The following GPM6A variants were observed in gnomAD, a reference collection of about 807,000 sequenced individuals.
The protein encoded by GPM6A is glycoprotein M6A, also known as neuronal membrane glycoprotein M6-a.
GPM6A carries 7 observed loss-of-function variants against 32.1 expected under a neutral mutation model. That is an observed-to-expected ratio of 0.22 (90% CI 0.12 to 0.41). The LOEUF (loss-of-function observed/expected upper bound fraction) is 0.41, where lower values mean the gene tolerates loss of function less well. Ranked by LOEUF, GPM6A falls within the 10% of genes least tolerant of loss-of-function variation. The pLI, the probability that GPM6A is intolerant of heterozygous loss-of-function variation, is 1.00. For synonymous variants in GPM6A, 130 were observed against 123.4 expected (o/e 1.05, Z -0.35); for missense variants, 235 against 347.2 (o/e 0.68, Z 2.57).
intron 1 of GPM6A, among the ~76,000 whole-genome samples, chr4:175,936,493 T>G (rs1739239686): frequency 6.6e-6 from 1 of 152,044 alleles, no homozygotes; most frequent in Non-Finnish European, 1.5e-5. Context: ...GCAGTTGGGA[T>G]TGCTCTACAT....
At chr4:175,692,796 C>T (rs76250367) in intron 2 of GPM6A, among the ~76,000 whole-genome samples, 6,642 of 151,918 alleles carry the variant, frequency 0.044, 185 homozygotes, top group Non-Finnish European at 0.063. Context: ...AATTAGCTTA[C>T]CTTTAAATTC....
intron 1 of GPM6A, among the ~76,000 whole-genome samples, chr4:175,725,089 G>A (rs1746334686): frequency 1.3e-5 from 2 of 152,106 alleles, no homozygotes; most frequent in South Asian, 4.2e-4. Flanking sequence ...CTCTACTCAG[G>A]TCCATAATGT....
intron 3 of GPM6A, among the ~76,000 whole-genome samples, chr4:175,671,713 C>T (rs1743082064): frequency 6.6e-6 from 1 of 152,052 alleles, no homozygotes; most frequent in Admixed American, 6.6e-5. Flanking sequence ...TGGAGCTAGC[C>T]CCCTTCGTGA....
At chr4:175,681,802 A>C (rs963073002) in intron 2 of GPM6A, among the ~76,000 whole-genome samples, 3 of 152,282 alleles carry the variant, frequency 2.0e-5, no homozygotes, top group Middle Eastern at 3.4e-3. Flanking sequence ...TGAGCCAATT[A>C]AATCTCTTTA....
chr4:175,675,146 G>C (rs1743294543), intron 2 of GPM6A, among the ~76,000 whole-genome samples: 1 of 151,706 alleles, frequency 6.6e-6, no homozygotes, highest in South Asian at 2.1e-4. Context: ...CCATACATAT[G>C]CTCCAAATAA....
intron 1 of GPM6A, among the ~76,000 whole-genome samples, chr4:175,928,987 CACTT>C (rs1270101101): frequency 3.3e-5 from 5 of 152,154 alleles, no homozygotes; most frequent in Non-Finnish European, 5.9e-5. Context: ...TCTTGAGGAA[CACTT>C]ACTTTATTAA....
intron 1 of GPM6A, among the ~76,000 whole-genome samples, chr4:175,979,601 TA>T (rs59601726): frequency 9.2e-5 from 14 of 151,592 alleles, no homozygotes; most frequent in Admixed American, 2.6e-4. Context: ...TAAAGTATAA[TA>T]AAAAAAATAC....
chr4:175,956,092 G>A (rs1362400620), intron 1 of GPM6A, among the ~76,000 whole-genome samples: 1 of 152,152 alleles, frequency 6.6e-6, no homozygotes, highest in Non-Finnish European at 1.5e-5. Context: ...CATAGTGCAC[G>A]TGCGTCGTAC....
intron 1 of GPM6A, among the ~76,000 whole-genome samples, chr4:175,722,273 G>C (rs1431839320): frequency 2.0e-5 from 3 of 152,076 alleles, no homozygotes; most frequent in African/African-American, 7.2e-5. Flanking sequence ...TGGGTGATGA[G>C]AGAGTGGAAG....
intron 2 of GPM6A, among the ~76,000 whole-genome samples, chr4:175,691,126 AG>A (rs1410710040): frequency 6.6e-6 from 1 of 152,232 alleles, no homozygotes; most frequent in Non-Finnish European, 1.5e-5. Context: ...ATATTAAATT[AG>A]GAAAATTAAA....
chr4:175,667,264 G>A (rs1328460851), intron 3 of GPM6A, among the ~76,000 whole-genome samples: 4 of 152,100 alleles, frequency 2.6e-5, no homozygotes, highest in African/African-American at 9.7e-5. Flanking sequence ...TTGATATGAT[G>A]TGATGAGAAA....
chr4:175,924,853 A>AG (rs1328932151), intron 1 of GPM6A, among the ~76,000 whole-genome samples: 4 of 151,860 alleles, frequency 2.6e-5, no homozygotes, highest in African/African-American at 9.7e-5. Context: ...AAAAAAAAAA[A>AG]AAAAAAGAGA....
chr4:175,769,197 T>C (rs560963775), intron 1 of GPM6A, among the ~76,000 whole-genome samples: 65 of 152,340 alleles, frequency 4.3e-4, no homozygotes, highest in African/African-American at 1.5e-3. Context: ...TTATTAACCA[T>C]GGTTGCATAT....
intron 1 of GPM6A, among the ~76,000 whole-genome samples, chr4:175,721,938 T>C (rs1334339272): frequency 6.6e-6 from 1 of 152,136 alleles, no homozygotes; most frequent in Admixed American, 6.5e-5. Context: ...GTAGTAACTT[T>C]CACTATTTTC....
chr4:175,716,842 A>T (rs1745867932), intron 1 of GPM6A, among the ~76,000 whole-genome samples: 1 of 152,222 alleles, frequency 6.6e-6, no homozygotes, highest in South Asian at 2.1e-4. Flanking sequence ...TATTTAATAA[A>T]ATTTTCCATG....
intron 1 of GPM6A, among the ~76,000 whole-genome samples, chr4:175,820,708 C>T (rs537271685): frequency 2.3e-4 from 35 of 151,716 alleles, no homozygotes; most frequent in African/African-American, 8.2e-4. Context: ...CCATGTTGGC[C>T]GGCTGGTCTC....
intron 1 of GPM6A, among the ~76,000 whole-genome samples, chr4:175,850,043 T>A (rs954693955): frequency 6.6e-6 from 1 of 152,160 alleles, no homozygotes; most frequent in Admixed American, 6.6e-5. Context: ...TCCACCCTCA[T>A]GTGCTTCTAT....
intron 1 of GPM6A, among the ~76,000 whole-genome samples, chr4:175,885,515 C>T (rs1737423320): frequency 6.6e-6 from 1 of 152,104 alleles, no homozygotes; most frequent in African/African-American, 2.4e-5. Context: ...CCTGTAGTCT[C>T]AGTTACTTGG....
intron 1 of GPM6A, among the ~76,000 whole-genome samples, chr4:175,851,244 T>C (rs1736245456): frequency 6.6e-6 from 1 of 151,908 alleles, no homozygotes; most frequent in Non-Finnish European, 1.5e-5. Context: ...GTAATCCCTT[T>C]GAGAGGCCAA....
Sources: gnomAD v4.1 joint callset for allele counts (sites outside exome capture counted in the v4.1 genomes callset) on GRCh38, gnomAD v4.1.1 for gene constraint, MANE v1.5 for transcripts, NCBI Gene and HGNC (gene_info 2026-07-23, HGNC 2026-07-21) for gene names.